Variants in SLIT3 observed in about 807,000 individuals in gnomAD.
SLIT3 encodes slit guidance ligand 3.
SLIT3 carries 68 observed loss-of-function variants against 184.0 expected under a neutral mutation model. The observed-to-expected ratio is 0.37, with a 90% CI of 0.30 to 0.45. SLIT3 has a LOEUF of 0.45. SLIT3 is among the 20% of genes least tolerant of loss of function. The probability of loss-of-function intolerance (pLI) is 1.00; values close to 1 mark genes in which losing one functional copy is unlikely to be tolerated. For missense variants in SLIT3, 1,707 were observed against 2,026.0 expected, an observed-to-expected ratio of 0.84 and a Z score of 3.02; for synonymous variants, 831 against 828.6, an observed-to-expected ratio of 1.00 and a Z score of -0.05.
At chr5:168,799,500 A>G (rs1404525304) in intron 9 of SLIT3, among the ~76,000 whole-genome samples, 1 of 152,206 alleles carries the variant, frequency 6.6e-6, no homozygotes, top group East Asian at 1.9e-4. Flanking sequence ...TGTGCTCTGT[A>G]TTGATTTGCC....
chr5:168,998,566 T>C (rs1371727738), intron 4 of SLIT3, among the ~76,000 whole-genome samples: 1 of 151,246 alleles, frequency 6.6e-6, no homozygotes, highest in Non-Finnish European at 1.5e-5. Flanking sequence ...TAGCTGGGAG[T>C]GGTGGCGCAT....
chr5:168,724,483 A>G lies in SLIT3; in HGVS notation c.2272T>C (p.Tyr758His). Residue 758 changes from tyrosine to histidine, a missense_variant and splice_region_variant, in exon 21 of 36, where the codon TAC becomes CAC. Coordinates refer to ENST00000519560, the MANE Select transcript of SLIT3 (RefSeq NM_003062.4). ...GCTGTTAGGTGGTTTCCTTCCAGGT[A>G]CCTGAAAGAGGTGTGGAGAGACAAC... ...RGMPKDVTEL[Y>H]LEGNHLTAVP... 6.2e-7 allele frequency: 1 copy of G among 1,612,630 alleles called. No individual in the cohort carries two copies. The highest frequency in any genetic ancestry group is 8.5e-7 in the Non-Finnish European group (1 of 1,179,166).
intron 4 of SLIT3, among the ~76,000 whole-genome samples, chr5:169,021,691 C>T (rs1756604689): frequency 6.6e-6 from 1 of 152,130 alleles, no homozygotes; most frequent in Admixed American, 6.5e-5. Flanking sequence ...GTTGCTGCCC[C>T]TTCCAAGACA....
At chr5:169,158,933 A>T (rs1762390319) in intron 4 of SLIT3, among the ~76,000 whole-genome samples, 1 of 152,250 alleles carries the variant, frequency 6.6e-6, no homozygotes, top group South Asian at 2.1e-4. Flanking sequence ...AAAATGGCAG[A>T]CTTGGCACAC....
At chr5:168,690,104 C>T (rs546075686) in intron 29 of SLIT3, among the ~76,000 whole-genome samples, 1 of 152,016 alleles carries the variant, frequency 6.6e-6, no homozygotes, top group South Asian at 2.1e-4. Context: ...ACCAACCCCA[C>T]ACCTGCACCC....
intron 4 of SLIT3, among the ~76,000 whole-genome samples, chr5:169,136,732 C>G (rs1561688988): frequency 6.6e-6 from 1 of 152,042 alleles, no homozygotes; most frequent in Admixed American, 6.6e-5. Context: ...CCAGGGTATT[C>G]TTCTGGCTAG....
At chr5:168,855,767 T>C (rs1233425199) in intron 5 of SLIT3, among the ~76,000 whole-genome samples, 1 of 152,106 alleles carries the variant, frequency 6.6e-6, no homozygotes, top group African/African-American at 2.4e-5. Flanking sequence ...GAGTTTCCTT[T>C]GGGGGTGATG....
chr5:169,034,746 ATT>A (rs60312988), intron 4 of SLIT3, among the ~76,000 whole-genome samples: 5 of 142,254 alleles, frequency 3.5e-5, no homozygotes, highest in Non-Finnish European at 4.6e-5. Flanking sequence ...ATTTCCTATG[ATT>A]TTTTTTTTTT....
At chr5:169,090,087 C>G (rs185836539) in intron 4 of SLIT3, among the ~76,000 whole-genome samples, 2 of 152,118 alleles carry the variant, frequency 1.3e-5, no homozygotes, top group Non-Finnish European at 2.9e-5. Flanking sequence ...AGATAAGCAA[C>G]AGCAGGGAGC....
At chr5:169,185,429 C>CAG (rs1763299859) in intron 4 of SLIT3, among the ~76,000 whole-genome samples, 1 of 152,216 alleles carries the variant, frequency 6.6e-6, no homozygotes, top group Non-Finnish European at 1.5e-5. Context: ...CATCCAGCTT[C>CAG]AGGCAGGGGG....
rs117708530 is a variant in SLIT3, at chr5:169,258,508, C to T, written c.198-7049G>A. Among the ~76,000 whole-genome samples, 78 of 152,274 alleles carry T rather than the reference C, an allele frequency of 5.1e-4. No individual in the cohort carries two copies. The East Asian group carries it at 0.014, about 28-fold the overall frequency. On this transcript the variant is annotated intron_variant, in intron 1 of 35. Transcript: ENST00000519560. ...GGAAGAGCTTTCTTGCTGTGTTTAC[C>T]CCTGTCTGGTTTTGGTCATGTTGCT...
intron 4 of SLIT3, among the ~76,000 whole-genome samples, chr5:169,159,320 G>A (rs138897979): frequency 9.8e-5 from 15 of 152,340 alleles, no homozygotes; most frequent in African/African-American, 2.9e-4. Flanking sequence ...CAAATACACA[G>A]GAGGCTGAGG....
At chr5:168,872,640 C>CTTT (rs774066150) in intron 5 of SLIT3, among the ~76,000 whole-genome samples, 2,974 of 112,326 alleles carry the variant, frequency 0.026, 163 homozygotes, top group African/African-American at 0.089. Context: ...TCTTCTTCTT[C>CTTT]TTTTTTTTTT....
chr5:169,168,815 G>A (rs567264567), intron 4 of SLIT3, among the ~76,000 whole-genome samples: 1 of 152,316 alleles, frequency 6.6e-6, no homozygotes, highest in South Asian at 2.1e-4. Context: ...GCATCCTTCA[G>A]GAGGAACAAG....
At chr5:168,899,783 C>T (rs1255784001) in intron 4 of SLIT3, among the ~76,000 whole-genome samples, 2 of 127,880 alleles carry the variant, frequency 1.6e-5, no homozygotes, top group Non-Finnish European at 3.4e-5. Flanking sequence ...TTAGCCAGGC[C>T]ATTGGATGGA....
chr5:168,891,442 C>G (rs909921866), intron 4 of SLIT3, among the ~76,000 whole-genome samples: 4 of 152,216 alleles, frequency 2.6e-5, no homozygotes, highest in Non-Finnish European at 5.9e-5. Flanking sequence ...TCCTTGGACT[C>G]CTTCAAGCTT....
chr5:168,947,839 T>G (rs987861835), intron 4 of SLIT3, among the ~76,000 whole-genome samples: 5 of 152,062 alleles, frequency 3.3e-5, no homozygotes, highest in Non-Finnish European at 7.4e-5. Context: ...CAGGCTGGAG[T>G]GCAGTGGTAC....
chr5:169,138,700 T>C (rs79699794), intron 4 of SLIT3, among the ~76,000 whole-genome samples: 1,833 of 152,292 alleles, frequency 0.012, 37 homozygotes, highest in African/African-American at 0.042. Flanking sequence ...CTGCGAGCCT[T>C]GCGTGTTCTC....
intron 8 of SLIT3, among the ~76,000 whole-genome samples, chr5:168,813,315 A>G (rs1405339719): frequency 2.9e-5 from 1 of 34,568 alleles, no homozygotes; most frequent in African/African-American, 1.5e-4. Context: ...ATAAGGATGA[A>G]AAAAAAAAAA....
Sources: allele counts gnomAD v4.1 joint callset (sites outside exome capture counted in the v4.1 genomes callset), GRCh38; gene constraint gnomAD v4.1.1; transcripts MANE v1.5; gene names NCBI Gene and HGNC (gene_info 2026-07-23, HGNC 2026-07-21).